The following MGAT5 variants were observed in gnomAD, a reference collection of about 807,000 sequenced individuals.
The protein encoded by MGAT5 is alpha-1,6-mannosylglycoprotein 6-beta-N-acetylglucosaminyltransferase A.
Under a neutral mutation model 94.3 loss-of-function variants are expected in MGAT5, and 30 were observed. The ratio of observed to expected loss-of-function variants is 0.32; its 90% CI spans 0.24 to 0.43. The LOEUF is 0.43. MGAT5 is among the 20% of genes least tolerant of loss of function. The probability of loss-of-function intolerance (pLI) is 1.00; values close to 1 mark genes in which losing one functional copy is unlikely to be tolerated. For missense variants in MGAT5, 691 were observed against 905.5 expected (o/e 0.76, Z 3.04); for synonymous variants, 310 against 322.9 (o/e 0.96, Z 0.43).
chr2:134,403,107 G>C lies in MGAT5; in HGVS notation c.1500G>C (p.Arg500=), dbSNP rs148494322. 143 of 1,607,956 alleles carry C rather than the reference G, an allele frequency of 8.9e-5. No individual in the cohort carries two copies. The African/African-American group carries it at 1.7e-3, about 19-fold the overall frequency. The change falls in exon 11 of 16, where the codon CGG becomes CGC. Residue 500 remains arginine, a synonymous_variant. Coordinates refer to ENST00000281923, the MANE Select transcript of MGAT5 (RefSeq NM_002410.5). The part of the protein sequence containing the change: ...YVKNHGILSG[R]DLQFLLRETK... ...AAAACCATGGTATCCTCAGTGGACG[G>C]GACCTGCAGTTCCTTCTTCGAGAAA...
At chr2:134,283,862 C>T (rs763134892) in intron 2 of MGAT5, among the ~76,000 whole-genome samples, 41 of 151,326 alleles carry the variant, frequency 2.7e-4, no homozygotes, top group Non-Finnish European at 3.5e-4. Flanking sequence ...AAGGATACAT[C>T]GCTGCACTAG....
chr2:134,241,123 A>G (rs1431527972), intron 1 of MGAT5, among the ~76,000 whole-genome samples: 1 of 152,238 alleles, frequency 6.6e-6, no homozygotes, highest in African/African-American at 2.4e-5. Context: ...CTTCATAGCC[A>G]CCCAGGTGAT....
intron 1 of MGAT5, among the ~76,000 whole-genome samples, chr2:134,138,152 C>T (rs1686502861): frequency 6.6e-6 from 1 of 151,770 alleles, no homozygotes; most frequent in Non-Finnish European, 1.5e-5. Flanking sequence ...CTGACCTAGG[C>T]CTAATTTTTA....
Position 134,317,602 on chromosome 2 carries a change from C to G in MGAT5, c.480C>G (p.Ile160Met). ...GCTACCCTCACTGTGAGGGAAAGAT[C>G]AAGGTAAGGCAGAGGCAAGCATCAT... ...MDGYPHCEGK[I>M]KWMKDMWRSD... The change falls in exon 3 of 16, where the codon ATC becomes ATG. Residue 160 changes from isoleucine to methionine, a missense_variant. Around this residue, in one of 4 missense-constraint regions of MGAT5, gnomAD observed 307 missense variants for 335.4 expected, o/e 0.92. Coordinates refer to ENST00000281923, the MANE Select transcript of MGAT5 (RefSeq NM_002410.5). 2 of 1,550,218 alleles carry G rather than the reference C, an allele frequency of 1.3e-6. No homozygotes were observed. The highest frequency in any genetic ancestry group is 1.7e-6 in the Non-Finnish European group (2 of 1,151,038).
intron 1 of MGAT5, among the ~76,000 whole-genome samples, chr2:134,206,354 G>C (rs1188401023): frequency 6.6e-6 from 1 of 152,250 alleles, no homozygotes; most frequent in African/African-American, 2.4e-5. Context: ...CCAGGATGCT[G>C]ATGTGAATAG....
chr2:134,217,431 A>C (rs1161245384), intron 1 of MGAT5, among the ~76,000 whole-genome samples: 1 of 152,184 alleles, frequency 6.6e-6, no homozygotes, highest in African/African-American at 2.4e-5. Context: ...ACTGAGGCTC[A>C]CGGGGCTTAA....
intron 1 of MGAT5, among the ~76,000 whole-genome samples, chr2:134,235,842 G>C (rs1166343340): frequency 6.6e-6 from 1 of 151,854 alleles, no homozygotes; most frequent in African/African-American, 2.4e-5. Context: ...GGGATAAAAG[G>C]GGAGGGGGCA....
chr2:134,437,914 C>T (rs1685259304), intron 14 of MGAT5, among the ~76,000 whole-genome samples: 1 of 151,292 alleles, frequency 6.6e-6, no homozygotes, highest in Admixed American at 6.6e-5. Flanking sequence ...ACTCAGGAGA[C>T]TGAGGCAGGA....
Position 134,441,804 on chromosome 2 carries a change from A to T in MGAT5, c.1916A>T (p.Gln639Leu). The part of the protein sequence containing the change: ...QVMWPPLSAL[Q>L]VKLAEPGQSC... ...ATGTGGCCACCCCTCAGCGCCCTAC[A>T]GGTCAAGCTTGCTGAGCCCGGGCAG... is the stretch of plus-strand genomic sequence containing the variant. The change falls in exon 15 of 16, where the codon CAG (glutamine) becomes CTG (leucine). Residue 639 changes from glutamine (Q) to leucine (L), a missense_variant. Around this residue, in one of 4 missense-constraint regions of MGAT5, gnomAD observed 260 missense variants for 347.0 expected, o/e 0.75. Transcript: ENST00000281923. 1.9e-6 allele frequency: 3 copies of T among 1,614,052 alleles called. No homozygotes were observed. Among genetic ancestry groups the T allele is most frequent in the Non-Finnish European group, 2.5e-6 (3 of 1,179,980 alleles).
chr2:134,215,004 G>A (rs1055277022), intron 1 of MGAT5, among the ~76,000 whole-genome samples: 1 of 152,004 alleles, frequency 6.6e-6, no homozygotes, highest in Non-Finnish European at 1.5e-5. Context: ...GACTGTTTTA[G>A]CACTCTGTAT....
chr2:134,206,330 G>A (rs1680019122), intron 1 of MGAT5, among the ~76,000 whole-genome samples: 1 of 152,212 alleles, frequency 6.6e-6, no homozygotes, highest in Non-Finnish European at 1.5e-5. Context: ...AACATCTCTG[G>A]ATACAAAGGA....
chr2:134,359,973 C>T (rs774643718), intron 9 of MGAT5, among the ~76,000 whole-genome samples: 4 of 152,090 alleles, frequency 2.6e-5, no homozygotes, highest in Non-Finnish European at 5.9e-5. Flanking sequence ...GGTTTAGTGT[C>T]CTGTGGCAAG....
intron 10 of MGAT5, among the ~76,000 whole-genome samples, chr2:134,385,712 C>T (rs1224697652): frequency 2.0e-5 from 3 of 152,006 alleles, no homozygotes; most frequent in African/African-American, 2.4e-5. Context: ...ACATACGAAA[C>T]ATACATAGGG....
chr2:134,339,334 A>G (rs1688502355), intron 6 of MGAT5, among the ~76,000 whole-genome samples: 1 of 152,170 alleles, frequency 6.6e-6, no homozygotes, highest in Non-Finnish European at 1.5e-5. Flanking sequence ...TTGTTAGGTG[A>G]AGAAAAGTAG....
intron 2 of MGAT5, among the ~76,000 whole-genome samples, chr2:134,296,560 T>G (rs1232408973): frequency 1.3e-5 from 2 of 152,128 alleles, no homozygotes; most frequent in Non-Finnish European, 2.9e-5. Context: ...ATTATAGTAC[T>G]TGAAAGAAAA....
In MGAT5 at chr2:134,448,865, C is replaced by T. The variant is rs746204743; in HGVS notation, c.*18C>T. 4 of 1,606,562 alleles carry T rather than the reference C, an allele frequency of 2.5e-6. No homozygotes were observed. The Admixed American group carries it at 5.1e-5, about 20-fold the overall frequency. On this transcript the variant is annotated 3_prime_UTR_variant, in exon 16 of 16. Coordinates refer to ENST00000281923, the MANE Select transcript of MGAT5 (RefSeq NM_002410.5). ...GCCTATAGCAGCTACCTGCTCAGCC[C>T]TGCACCATGCTGCTGGGGAAGACAG...
chr2:134,361,508 G>A (rs183175085), intron 9 of MGAT5, among the ~76,000 whole-genome samples: 5 of 152,304 alleles, frequency 3.3e-5, no homozygotes, highest in South Asian at 4.1e-4. Context: ...CACAAGATGC[G>A]GATGTTTGGA....
At chr2:134,297,499 A>C (rs62167994) in intron 2 of MGAT5, among the ~76,000 whole-genome samples, 24,268 of 152,202 alleles carry the variant, frequency 0.16, 2,090 homozygotes, top group Middle Eastern at 0.37. Flanking sequence ...TTAAAATATT[A>C]GAACCCCAAA....
At chr2:134,236,195 C>G (rs1681630996) in intron 1 of MGAT5, among the ~76,000 whole-genome samples, 1 of 152,160 alleles carries the variant, frequency 6.6e-6, no homozygotes. Flanking sequence ...TTCACGGGTC[C>G]CATGACTGCA....
Sources: gnomAD v4.1 joint callset for allele counts (sites outside exome capture counted in the v4.1 genomes callset) on GRCh38, gnomAD v4.1.1 for gene constraint, gnomAD v4.1.1 regional missense constraint, MANE v1.5 for transcripts, NCBI Gene and HGNC (gene_info 2026-07-23, HGNC 2026-07-21) for gene names.